Variants in RBFOX1 observed in about 807,000 individuals in gnomAD.
RBFOX1 encodes RNA binding fox-1 homolog 1.
Under a neutral mutation model 57.7 loss-of-function variants are expected in RBFOX1, and 8 were observed. The ratio of observed to expected loss-of-function variants is 0.14; its 90% CI spans 0.08 to 0.25. The LOEUF (loss-of-function observed/expected upper bound fraction) is 0.25, where lower values mean the gene tolerates loss of function less well. RBFOX1 is among the 10% of genes least tolerant of loss of function. The pLI, the probability that RBFOX1 is intolerant of heterozygous loss-of-function variation, is 1.00. For synonymous variants in RBFOX1, 326 were observed against 222.4 expected (o/e 1.47, Z -4.15); for missense variants, 611 against 548.5 (o/e 1.11, Z -1.14).
chr16:6,256,027 T>C (rs955375489), intron 1 of RBFOX1, among the ~76,000 whole-genome samples: 8 of 150,820 alleles, frequency 5.3e-5, no homozygotes, highest in African/African-American at 1.5e-4. Flanking sequence ...ACATTCTGCA[T>C]GTGTATCCCA....
chr16:6,985,882 T>TTTCTG (rs1568231151), intron 3 of RBFOX1, among the ~76,000 whole-genome samples: 2 of 150,086 alleles, frequency 1.3e-5, no homozygotes, highest in African/African-American at 4.9e-5. Flanking sequence ...TTTCTTTTCT[T>TTTCTG]TTTTTGCAGG....
intron 1 of RBFOX1, among the ~76,000 whole-genome samples, chr16:5,318,483 C>T (rs1002632463): frequency 5.9e-5 from 9 of 152,140 alleles, no homozygotes; most frequent in African/African-American, 1.9e-4. Context: ...CTCATGTTTG[C>T]CCACTAAGAG....
chr16:6,252,919 A>G (rs1178904845), intron 1 of RBFOX1, among the ~76,000 whole-genome samples: 1 of 152,138 alleles, frequency 6.6e-6, no homozygotes, highest in Non-Finnish European at 1.5e-5. Context: ...ACAACAATGT[A>G]TTGTGTGCTT....
At chr16:5,923,807 C>T (rs1347552254) in intron 4 of RBFOX1, among the ~76,000 whole-genome samples, 1 of 152,046 alleles carries the variant, frequency 6.6e-6, no homozygotes, top group Non-Finnish European at 1.5e-5. Context: ...TCCCAAAGTG[C>T]TGGGATTACA....
At chr16:7,353,283 A>G (rs2097159711) in intron 4 of RBFOX1, among the ~76,000 whole-genome samples, 1 of 152,190 alleles carries the variant, frequency 6.6e-6, no homozygotes, top group African/African-American at 2.4e-5. Flanking sequence ...CCCTAGCTAG[A>G]ATGGCTATAA....
rs147910744 is a variant in RBFOX1, at chr16:6,390,887, A to G, written c.-64+73830A>G. Reference sequence around the variant, plus strand: ...TTTAGTGGATGATAGGGAAGGCAGCATGGAATGAAGTGGAGACGGGCTTGT... The same window carrying G: ...TTTAGTGGATGATAGGGAAGGCAGCGTGGAATGAAGTGGAGACGGGCTTGT... On this transcript the variant is annotated intron_variant, in intron 2 of 15. Coordinates refer to ENST00000550418, the MANE Select transcript of RBFOX1 (RefSeq NM_018723.4). 8.4e-3 allele frequency among the ~76,000 whole-genome samples: 1,275 copies of G among 152,226 alleles called. 21 individuals carry two copies. The highest frequency in any genetic ancestry group is 0.029 in the African/African-American group (1,204 of 41,546).
chr16:7,398,814 G>T (rs1023082898), intron 4 of RBFOX1, among the ~76,000 whole-genome samples: 2 of 152,334 alleles, frequency 1.3e-5, no homozygotes, highest in Admixed American at 6.5e-5. Context: ...TCCCTGGAGG[G>T]AATAATTCTG....
chr16:7,407,871 T>G (rs1189160403), intron 4 of RBFOX1, among the ~76,000 whole-genome samples: 1 of 152,170 alleles, frequency 6.6e-6, no homozygotes, highest in Non-Finnish European at 1.5e-5. Flanking sequence ...TGCGGACTAT[T>G]TTCCTAGACA....
intron 4 of RBFOX1, among the ~76,000 whole-genome samples, chr16:7,171,699 A>T (rs79841222): frequency 8.5e-5 from 13 of 152,328 alleles, no homozygotes; most frequent in African/African-American, 3.1e-4. Context: ...AGGGTAAGCA[A>T]TGAGCTTGTG....
At chr16:7,222,576 G>T (rs1200237931) in intron 4 of RBFOX1, among the ~76,000 whole-genome samples, 1 of 152,194 alleles carries the variant, frequency 6.6e-6, no homozygotes, top group Non-Finnish European at 1.5e-5. Flanking sequence ...TCTGGGCACT[G>T]GCTGTTGTTC....
At chr16:6,780,396 AT>A (rs1290225897) in intron 3 of RBFOX1, among the ~76,000 whole-genome samples, 3 of 87,530 alleles carry the variant, frequency 3.4e-5, no homozygotes, top group African/African-American at 1.3e-4. Context: ...TATTATATAT[AT>A]TTTTATATAT....
At chr16:5,332,840 A>C (rs1366152825) in intron 1 of RBFOX1, among the ~76,000 whole-genome samples, 1 of 152,072 alleles carries the variant, frequency 6.6e-6, no homozygotes, top group Non-Finnish European at 1.5e-5. Flanking sequence ...AACCAGCCCT[A>C]TTATTTTCTG....
intron 3 of RBFOX1, among the ~76,000 whole-genome samples, chr16:6,977,027 CATAT>C (rs1419432040): frequency 7.3e-6 from 1 of 137,100 alleles, no homozygotes; most frequent in Admixed American, 7.6e-5. Flanking sequence ...TATCATGTAT[CATAT>C]ATATCATATA....
At chr16:5,282,214 T>C (rs2063289706) in intron 1 of RBFOX1, among the ~76,000 whole-genome samples, 1 of 152,240 alleles carries the variant, frequency 6.6e-6, no homozygotes, top group Non-Finnish European at 1.5e-5. Context: ...TTGCCTCTCC[T>C]TGACTTCCGC....
rs551083792 is a variant in RBFOX1, at chr16:7,275,991, G to C, written c.27+223893G>C. Among the ~76,000 whole-genome samples the C allele has an allele frequency of 1.1e-4, 17 of 152,254 alleles. No homozygotes were observed. In the South Asian group the frequency reaches 3.1e-3, roughly 28 times the overall value. ...GTCATCATATAAACTGAAGATAGCT[G>C]AGATTACACACTGCCTAAATTTCAC... On this transcript the variant is annotated intron_variant, in intron 4 of 15. Coordinates refer to ENST00000550418, the MANE Select transcript of RBFOX1 (RefSeq NM_018723.4).
At chr16:6,624,955 A>C (rs1368386601) in intron 2 of RBFOX1, among the ~76,000 whole-genome samples, 1 of 152,034 alleles carries the variant, frequency 6.6e-6, no homozygotes, top group Non-Finnish European at 1.5e-5. Context: ...ACTTGAGGTC[A>C]GGAGTTTGAG....
intron 14 of RBFOX1, among the ~76,000 whole-genome samples, chr16:7,698,349 A>G (rs560161372): frequency 4.7e-4 from 71 of 152,204 alleles, no homozygotes; most frequent in African/African-American, 1.4e-3. Context: ...AGTATGGGAC[A>G]CAACCATGTG....
At chr16:7,015,840 G>A (rs1214431188) in intron 3 of RBFOX1, among the ~76,000 whole-genome samples, 1 of 151,212 alleles carries the variant, frequency 6.6e-6, no homozygotes, top group African/African-American at 2.4e-5. Context: ...TCCACAATAA[G>A]CAATTGTGAA....
chr16:5,895,255 T>C (rs1054208773), intron 4 of RBFOX1, among the ~76,000 whole-genome samples: 2 of 152,204 alleles, frequency 1.3e-5, no homozygotes, highest in African/African-American at 4.8e-5. Context: ...GATGATAAAA[T>C]AATGTGGTCC....
Sources: allele counts gnomAD v4.1 joint callset (sites outside exome capture counted in the v4.1 genomes callset), GRCh38; gene constraint gnomAD v4.1.1; transcripts MANE v1.5; gene names NCBI Gene and HGNC (gene_info 2026-07-23, HGNC 2026-07-21).